PIK3C2G: variants seen among roughly 807,000 people sequenced by gnomAD.
PIK3C2G encodes phosphatidylinositol 3-kinase C2 domain-containing subunit gamma.
PIK3C2G carries 168 observed loss-of-function variants against 181.1 expected under a neutral mutation model. The ratio of observed to expected loss-of-function variants is 0.93; its 90% CI spans 0.82 to 1.05. The LOEUF is 1.05. Among genes scored for constraint, PIK3C2G ranks in the 50% least tolerant of loss-of-function variants. The pLI, the probability that PIK3C2G is intolerant of heterozygous loss-of-function variation, is 0.00. For synonymous variants in PIK3C2G, 573 were observed against 592.2 expected, an observed-to-expected ratio of 0.97 and a Z score of 0.47; for missense variants, 1,869 against 1,732.8, an observed-to-expected ratio of 1.08 and a Z score of -1.40.
intron 30 of PIK3C2G, among the ~76,000 whole-genome samples, chr12:18,597,658 CAGG>C (rs1947449259): frequency 6.6e-6 from 1 of 151,942 alleles, no homozygotes; most frequent in African/African-American, 2.4e-5. Context: ...GGCAATTAGA[CAGG>C]AGAAGGAAAT....
chr12:18,554,266 C>A (rs146501031), intron 26 of PIK3C2G, among the ~76,000 whole-genome samples: 1,758 of 152,084 alleles, frequency 0.012, 12 homozygotes, highest in African/African-American at 0.028. Flanking sequence ...AATGTCCTGA[C>A]TGTCAGATAA....
In PIK3C2G at chr12:18,538,979, G is replaced by A. The variant is rs73342987; in HGVS notation, c.3480+667G>A. Among the ~76,000 whole-genome samples the A allele has an allele frequency of 3.0e-3, 460 of 152,108 alleles. 3 individuals carry two copies. The highest frequency in any genetic ancestry group is 0.01 in the African/African-American group (435 of 41,544). On this transcript the variant is annotated intron_variant, in intron 25 of 32. Coordinates refer to ENST00000538779, the MANE Select transcript of PIK3C2G (RefSeq NM_001288772.2). ...AAATATCTTCTAGGAGAGGGATATA[G>A]TGATTCCTCTAGGCACATACGTACA...
chr12:18,596,653 C>T (rs1947380967), intron 30 of PIK3C2G, among the ~76,000 whole-genome samples: 1 of 152,008 alleles, frequency 6.6e-6, no homozygotes, highest in African/African-American at 2.4e-5. Context: ...TGATTAAGCA[C>T]CATTAAAAAT....
the PIK3C2G span, chr12:18,712,694 A>G: frequency 1.0e-6 from 1 of 966,488 alleles, no homozygotes; most frequent in Admixed American, 2.1e-5. Context: ...AACTATATAC[A>G]ACATGGATTT....
At chr12:18,701,605 TATCCTCCTCCTC>T in the PIK3C2G span, 1 of 1,571,118 alleles carries the variant, frequency 6.4e-7, no homozygotes, top group Non-Finnish European at 8.6e-7. Context: ...TCTTTGAATT[TATCCTCCTCCTC>T]CTCCTCCTCC....
At chr12:18,592,579 A>G (rs1263932829) in intron 29 of PIK3C2G, among the ~76,000 whole-genome samples, 2 of 151,936 alleles carry the variant, frequency 1.3e-5, no homozygotes, top group African/African-American at 2.4e-5. Flanking sequence ...AAATTGAAGA[A>G]GTGGAATCAG....
rs375035027 is a variant in PIK3C2G, at chr12:18,391,165, C to G, written c.2039C>G (p.Ser680Cys). 3.4e-5 allele frequency: 54 copies of G among 1,607,736 alleles called. 1 individual carries two copies. In the African/African-American group the frequency reaches 7.0e-4, roughly 21 times the overall value. The change falls in exon 15 of 33, where the codon TCT becomes TGT. Residue 680 changes from serine to cysteine, a missense_variant. Ser to Cys is a moderately radical substitution (Grantham distance 112). Coordinates refer to ENST00000538779, the MANE Select transcript of PIK3C2G (RefSeq NM_001288772.2). Reference sequence around the variant, plus strand: ...GGGTGGGAGTATATGAAACCTGATTCTGAAGAGAATAGAAGTAATCTTGAA... The same window carrying G: ...GGGTGGGAGTATATGAAACCTGATTGTGAAGAGAATAGAAGTAATCTTGAA... ...ATGWEYMKPD[S>C]EENRSNLEEP...
the PIK3C2G span, among the ~76,000 whole-genome samples, chr12:18,688,936 T>C: frequency 1.3e-5 from 2 of 151,524 alleles, no homozygotes; most frequent in Non-Finnish European, 1.5e-5. Context: ...AAATATATAA[T>C]TAAGTTTGAT....
Position 18,282,328 on chromosome 12 carries a change from C to A in PIK3C2G, c.247C>A (p.Gln83Lys). The A allele has an allele frequency of 6.2e-7, 1 of 1,613,328 alleles. No individual in the cohort carries two copies. Among genetic ancestry groups the A allele is most frequent in the South Asian group, 1.1e-5 (1 of 91,070 alleles). ...AGGGCATTCATTAAATGAAGCACAC[C>A]AAATATCCTTGAATGAATTCACTTC... Reference protein sequence around the residue: ...STGHSLNEAHQISLNEFTSKS... With the variant: ...STGHSLNEAHKISLNEFTSKS... Residue 83 changes from glutamine to lysine, a missense_variant, in exon 2 of 33, where the codon CAA (glutamine) becomes AAA (lysine). Transcript: ENST00000538779.
upstream of PIK3C2G, chr12:18,261,517 C>G (rs905406363): frequency 2.0e-5 from 3 of 151,920 alleles, no homozygotes; most frequent in Non-Finnish European, 4.4e-5. Context: ...CTTGTGTGAG[C>G]GTATTTGACT....
the PIK3C2G span, among the ~76,000 whole-genome samples, chr12:18,668,983 GTAAT>G: frequency 3.3e-5 from 5 of 152,108 alleles, no homozygotes; most frequent in Non-Finnish European, 7.3e-5. Context: ...CTCCAGGTGT[GTAAT>G]TAATTTCCCC....
chr12:18,701,704 A>T, the PIK3C2G span: 684 of 1,612,886 alleles, frequency 4.2e-4, no homozygotes, highest in Non-Finnish European at 5.5e-4. Flanking sequence ...CGCTTATCAG[A>T]ACCTTTTCTT....
At chr12:18,325,449 C>G (rs1951295854) in intron 8 of PIK3C2G, among the ~76,000 whole-genome samples, 1 of 152,110 alleles carries the variant, frequency 6.6e-6, no homozygotes, top group African/African-American at 2.4e-5. Flanking sequence ...CAAAGAACAA[C>G]ATGAACAGAG....
chr12:18,345,253 C>G (rs1445878223), intron 10 of PIK3C2G, among the ~76,000 whole-genome samples: 3 of 152,088 alleles, frequency 2.0e-5, no homozygotes, highest in Non-Finnish European at 4.4e-5. Flanking sequence ...GATGAGGCCT[C>G]TTTTAAGACT....
At chr12:18,321,790 G>T (rs190334970) in intron 7 of PIK3C2G, among the ~76,000 whole-genome samples, 1 of 152,290 alleles carries the variant, frequency 6.6e-6, no homozygotes, top group Non-Finnish European at 1.5e-5. Flanking sequence ...GTCTCTTGCG[G>T]GACAGAGATG....
At chr12:18,682,379 T>G in the PIK3C2G span, among the ~76,000 whole-genome samples, 3 of 152,044 alleles carry the variant, frequency 2.0e-5, no homozygotes, top group African/African-American at 7.2e-5. Flanking sequence ...TCCCTGACTT[T>G]GTCAAACTTT....
intron 16 of PIK3C2G, among the ~76,000 whole-genome samples, chr12:18,400,923 T>A (rs549271054): frequency 6.6e-6 from 1 of 152,176 alleles, no homozygotes; most frequent in Non-Finnish European, 1.5e-5. Flanking sequence ...TTGCAACTTT[T>A]TTCTTTTGTA....
chr12:18,392,822 T>C (rs1943621243), intron 15 of PIK3C2G, among the ~76,000 whole-genome samples: 1 of 152,078 alleles, frequency 6.6e-6, no homozygotes, highest in Non-Finnish European at 1.5e-5. Context: ...TGTGAATAAA[T>C]AGATTATAAG....
At chr12:18,604,212 A>T (rs1215882948) in intron 30 of PIK3C2G, among the ~76,000 whole-genome samples, 1 of 152,228 alleles carries the variant, frequency 6.6e-6, no homozygotes, top group African/African-American at 2.4e-5. Flanking sequence ...CATTTCATGC[A>T]AATGTACACC....
Sources: gnomAD v4.1 joint callset for allele counts (sites outside exome capture counted in the v4.1 genomes callset) on GRCh38, gnomAD v4.1.1 for gene constraint, MANE v1.5 for transcripts, NCBI Gene and HGNC (gene_info 2026-07-23, HGNC 2026-07-21) for gene names.